Variants in DPP6 observed in about 807,000 individuals in gnomAD.
DPP6 encodes the protein dipeptidyl peptidase like 6, also known as A-type potassium channel modulatory protein DPP6.
DPP6 carries 69 observed loss-of-function variants against 122.6 expected under a neutral mutation model. The ratio of observed to expected loss-of-function variants is 0.56; its 90% CI spans 0.46 to 0.69. The LOEUF is 0.69. DPP6 is among the 30% of genes least tolerant of loss of function. The pLI, the probability that DPP6 is intolerant of heterozygous loss-of-function variation, is 0.00. For synonymous variants in DPP6, 418 were observed against 433.1 expected (o/e 0.97, Z 0.43); for missense variants, 928 against 1,116.9 (o/e 0.83, Z 2.41).
chr7:154,505,075 C>T (rs1056464838), intron 3 of DPP6, among the ~76,000 whole-genome samples: 1 of 152,140 alleles, frequency 6.6e-6, no homozygotes, highest in East Asian at 1.9e-4. Context: ...CACTTGTGTT[C>T]TGGACAGCAG....
rs143737543 is a variant in DPP6 at position 154,198,805 on chromosome 7, C to T, written c.243+145742C>T. 5.6e-3 allele frequency among the ~76,000 whole-genome samples: 849 copies of T among 152,274 alleles called. 6 individuals carry two copies. Among genetic ancestry groups the T allele is most frequent in the African/African-American group, 0.019 (791 of 41,552 alleles). On this transcript the variant is annotated intron_variant, in intron 1 of 25. Transcript: ENST00000377770. ...TCTGTTTTGTAAATTGACCTTCAGT[C>T]TCTCATCTTAGGAATGACTCTTGGC...
At chr7:154,225,953 G>A (rs1335827198) in intron 1 of DPP6, among the ~76,000 whole-genome samples, 1 of 142,048 alleles carries the variant, frequency 7.0e-6, no homozygotes, top group Admixed American at 6.6e-5. Flanking sequence ...AAAATTGGAA[G>A]GCAATTCATG....
chr7:154,381,529 G>T (rs1168770301), intron 1 of DPP6, among the ~76,000 whole-genome samples: 2 of 152,120 alleles, frequency 1.3e-5, no homozygotes, highest in Non-Finnish European at 2.9e-5. Flanking sequence ...TATGACAAAA[G>T]TTTCATCAGA....
chr7:154,079,251 T>C (rs1803812487), intron 1 of DPP6, among the ~76,000 whole-genome samples: 2 of 152,178 alleles, frequency 1.3e-5, no homozygotes, highest in Non-Finnish European at 2.9e-5. Flanking sequence ...TCCCATAAAA[T>C]GCTACGTTAG....
chr7:153,969,578 TG>T (rs1335662617), intron 1 of DPP6, among the ~76,000 whole-genome samples: 1 of 148,198 alleles, frequency 6.7e-6, no homozygotes, highest in Non-Finnish European at 1.5e-5. Context: ...GATACCTTGG[TG>T]ACTGGACTTT....
At chr7:154,006,732 A>G (rs1472070434) in intron 1 of DPP6, among the ~76,000 whole-genome samples, 1 of 152,230 alleles carries the variant, frequency 6.6e-6, no homozygotes, top group Non-Finnish European at 1.5e-5. Flanking sequence ...AAATGCAATA[A>G]GCTAATGTAC....
At chr7:154,251,056 C>A (rs1802320611) in intron 1 of DPP6, among the ~76,000 whole-genome samples, 1 of 152,224 alleles carries the variant, frequency 6.6e-6, no homozygotes, top group East Asian at 1.9e-4. Flanking sequence ...AATAATCACA[C>A]AAAGTATTTT....
the DPP6 span, among the ~76,000 whole-genome samples, chr7:153,789,205 T>A: frequency 6.6e-6 from 1 of 152,166 alleles, no homozygotes; most frequent in African/African-American, 2.4e-5. Context: ...TGCAGTGTGT[T>A]TTTGTAAATG....
Position 154,772,796 on chromosome 7 carries a change from T to C in DPP6, c.1039-49T>C, listed in dbSNP as rs1175264718. 8.8e-6 allele frequency: 14 copies of C among 1,584,958 alleles called. No homozygotes were observed. The Admixed American group carries it at 1.6e-4, about 18-fold the overall frequency. ...AAGGCTTTGCAGAGCTGAAGTTCAC[T>C]CTTGTATAAGGCTGCTTGTTCATGT... is the stretch of plus-strand genomic sequence containing the variant. On this transcript the variant is annotated intron_variant, in intron 9 of 25. Coordinates refer to ENST00000377770, the MANE Select transcript of DPP6 (RefSeq NM_130797.4).
chr7:154,030,564 G>A (rs1799174519), intron 1 of DPP6, among the ~76,000 whole-genome samples: 1 of 152,154 alleles, frequency 6.6e-6, no homozygotes, highest in Non-Finnish European at 1.5e-5. Context: ...TGGAATGTGT[G>A]GTCTGGGAAC....
intron 4 of DPP6, among the ~76,000 whole-genome samples, chr7:154,542,467 C>A (rs1828808700): frequency 6.6e-6 from 1 of 152,150 alleles, no homozygotes; most frequent in South Asian, 2.1e-4. Flanking sequence ...ATAACAGCAG[C>A]ACTTAGCAAT....
rs193041460 is a variant in DPP6 at position 154,394,446 on chromosome 7, G to T, written c.244-51768G>T. On this transcript the variant is annotated intron_variant, in intron 1 of 25. Coordinates refer to ENST00000377770, the MANE Select transcript of DPP6 (RefSeq NM_130797.4). Reference sequence around the variant, plus strand: ...CATTATTGAATTGAGTTGTTTTGTTGTATTTTTTGAGTTTTAGAAGTTCTC... The same window carrying T: ...CATTATTGAATTGAGTTGTTTTGTTTTATTTTTTGAGTTTTAGAAGTTCTC... 5.9e-3 allele frequency among the ~76,000 whole-genome samples: 897 copies of T among 151,738 alleles called. 7 individuals carry two copies. Among genetic ancestry groups the T allele is most frequent in the Non-Finnish European group, 9.3e-3 (632 of 67,888 alleles).
chr7:154,534,047 A>G (rs979836977), intron 3 of DPP6, among the ~76,000 whole-genome samples: 2 of 152,136 alleles, frequency 1.3e-5, no homozygotes, highest in African/African-American at 2.4e-5. Flanking sequence ...ATCATGACCA[A>G]TGGGTTTATC....
chr7:154,290,233 A>G (rs4726401), intron 1 of DPP6, among the ~76,000 whole-genome samples: 78,227 of 151,944 alleles, frequency 0.51, 21,538 homozygotes, highest in African/African-American at 0.73. Context: ...ATTGGTCAAC[A>G]TGTTCTCTCA....
chr7:153,960,952 A>G (rs71545660), intron 1 of DPP6, among the ~76,000 whole-genome samples: 1 of 152,130 alleles, frequency 6.6e-6, no homozygotes, highest in Non-Finnish European at 1.5e-5. Context: ...ATGTGTGGGG[A>G]AGGATGGCAG....
intron 1 of DPP6, among the ~76,000 whole-genome samples, chr7:154,065,483 C>A (rs1802639294): frequency 6.6e-6 from 1 of 151,612 alleles, no homozygotes; most frequent in Admixed American, 6.6e-5. Context: ...CCAAGGAAAA[C>A]ACAACCAGCA....
the DPP6 span, among the ~76,000 whole-genome samples, chr7:153,840,561 A>T: frequency 6.6e-6 from 1 of 152,168 alleles, no homozygotes; most frequent in Admixed American, 6.5e-5. Flanking sequence ...ACTAAATCAA[A>T]GTTTTAGCTC....
chr7:154,022,458 G>A (rs868741532), intron 1 of DPP6, among the ~76,000 whole-genome samples: 1 of 152,204 alleles, frequency 6.6e-6, no homozygotes, highest in Non-Finnish European at 1.5e-5. Flanking sequence ...TGTGAAAGAT[G>A]TGAAGCATCA....
chr7:154,870,953 A>G (rs564665396), intron 18 of DPP6, among the ~76,000 whole-genome samples: 1 of 114,344 alleles, frequency 8.7e-6, no homozygotes, highest in Admixed American at 9.7e-5. Context: ...ACAGAATGAG[A>G]CTCCATCTCA....
Sources: allele counts gnomAD v4.1 joint callset (sites outside exome capture counted in the v4.1 genomes callset), GRCh38; gene constraint gnomAD v4.1.1; transcripts MANE v1.5; gene names NCBI Gene and HGNC (gene_info 2026-07-23, HGNC 2026-07-21).